Variants in CLTCL1 observed in about 807,000 individuals in gnomAD.
CLTCL1 encodes the protein clathrin heavy chain like 1.
CLTCL1 carries 159 observed loss-of-function variants against 190.0 expected under a neutral mutation model. That is an observed-to-expected ratio of 0.84 (90% confidence interval 0.74 to 0.95). The LOEUF (loss-of-function observed/expected upper bound fraction) is 0.95. CLTCL1 is among the 40% of genes least tolerant of loss of function. The pLI is 0.00. For synonymous variants in CLTCL1, 752 were observed against 769.6 expected (o/e 0.98, Z 0.38); for missense variants, 1,878 against 2,033.4 (o/e 0.92, Z 1.47).
At chr22:19,283,324 AG>A (rs1178077023) in intron 1 of CLTCL1, among the ~76,000 whole-genome samples, 1 of 151,886 alleles carries the variant, frequency 6.6e-6, no homozygotes, top group African/African-American at 2.4e-5. Flanking sequence ...TCTGTCGCCA[AG>A]GCTGGAGTGC....
intron 1 of CLTCL1, among the ~76,000 whole-genome samples, chr22:19,287,494 G>C (rs1156849101): frequency 6.6e-6 from 1 of 152,130 alleles, no homozygotes; most frequent in Non-Finnish European, 1.5e-5. Flanking sequence ...AGAGCACGTG[G>C]GGATCAGTCT....
intron 30 of CLTCL1, 90 bp downstream of exon 30, chr22:19,183,300 G>T: frequency 8.6e-7 from 1 of 1,168,226 alleles, no homozygotes; most frequent in Non-Finnish European, 1.2e-6. Flanking sequence ...CCTCAAAGGG[G>T]CCCACCCTTA....
Position 19,210,536 on chromosome 22 carries a change from C to A in CLTCL1, c.3066-27G>T, listed in dbSNP as rs782726458. 14 of 1,598,226 alleles carry A rather than the reference C, an allele frequency of 8.8e-6. No individual in the cohort carries two copies. In the Admixed American group the frequency reaches 2.4e-4, roughly 27 times the overall value. On this transcript the variant is annotated intron_variant, in intron 19 of 32. Coordinates refer to ENST00000427926, the MANE Select transcript of CLTCL1 (RefSeq NM_007098.4). The stretch of plus-strand genomic sequence containing the variant: ...TGAGGAGAGAGGGTGGTCAGCACGG[C>A]ATCCCAGGAACGAAGGCTGCACAAA...
intron 1 of CLTCL1, among the ~76,000 whole-genome samples, chr22:19,288,088 G>A (rs557692784): frequency 2.6e-5 from 4 of 152,204 alleles, no homozygotes; most frequent in African/African-American, 7.2e-5. Flanking sequence ...TCCCTCCTCT[G>A]CCCAGCATAT....
rs782352241 is a variant in CLTCL1 at position 19,201,476 on chromosome 22, G to T, written c.3618C>A (p.Tyr1206Ter). The T allele has an allele frequency of 2.6e-5, 42 of 1,613,216 alleles. No homozygotes were observed. The highest frequency in any genetic ancestry group is 1.0e-4 in the Admixed American group (6 of 59,972). The change falls in exon 23 of 33, where the codon TAC becomes TAA. Residue 1206 changes from tyrosine (Y) to a stop codon, truncating the protein, a stop_gained. Coordinates refer to ENST00000427926, the MANE Select transcript of CLTCL1 (RefSeq NM_007098.4). LOFTEE classifies it high-confidence loss of function. The part of the protein sequence containing the change: ...AHIQQVGDRC[Y>*]EEGMYEAAKL... Reference sequence around the variant, plus strand: ...TGGCAGCCTCGTACATTCCCTCCTCGTAACAGCGGTCTCCAACCTACGGAT... The same window carrying T: ...TGGCAGCCTCGTACATTCCCTCCTCTTAACAGCGGTCTCCAACCTACGGAT...
intron 3 of CLTCL1, among the ~76,000 whole-genome samples, chr22:19,249,532 A>G (rs1261627376): frequency 1.3e-5 from 2 of 151,868 alleles, no homozygotes; most frequent in Non-Finnish European, 2.9e-5. Flanking sequence ...GTCTCTACTA[A>G]AAACACAAAA....
chr22:19,186,516 C>T (rs940935996), intron 29 of CLTCL1, among the ~76,000 whole-genome samples: 2 of 152,222 alleles, frequency 1.3e-5, no homozygotes, highest in Non-Finnish European at 2.9e-5. Context: ...CCTCCCACTT[C>T]AGCCTCTAAA....
chr22:19,200,797 G>C (rs57240140), intron 23 of CLTCL1, among the ~76,000 whole-genome samples: 102 of 152,302 alleles, frequency 6.7e-4, no homozygotes, highest in Non-Finnish European at 1.2e-3. Context: ...AGCCGAGATC[G>C]TGTCACTGTA....
At chr22:19,208,100 T>C in intron 22 of CLTCL1, 54 bp downstream of exon 22, 1 of 1,608,462 alleles carries the variant, frequency 6.2e-7, no homozygotes, top group Non-Finnish European at 8.5e-7. Context: ...CTGAGGAACA[T>C]CCCTGGACCT....
Position 19,220,229 on chromosome 22 carries a change from C to T in CLTCL1, c.2797-222G>A, listed in dbSNP as rs1325944203. On this transcript the variant is annotated intron_variant, in intron 17 of 32. Transcript: ENST00000427926. ...CCCTTTCCAAGTTTACAACAACTCCCAGGGATGTGCCACATATCTGGCCAG... is the reference window on the plus strand; with the variant it reads ...CCCTTTCCAAGTTTACAACAACTCCTAGGGATGTGCCACATATCTGGCCAG... 2.8e-4 allele frequency among the ~76,000 whole-genome samples: 42 copies of T among 152,144 alleles called. 2 individuals are homozygous for T.
At chr22:19,256,515 C>T (rs1431466713) in intron 2 of CLTCL1, among the ~76,000 whole-genome samples, 1 of 151,916 alleles carries the variant, frequency 6.6e-6, no homozygotes, top group Non-Finnish European at 1.5e-5. Flanking sequence ...TGCCATCACG[C>T]CCACCTAATT....
chr22:19,221,924 AG>A, intron 16 of CLTCL1, 26 bp downstream of exon 16: 6 of 1,612,024 alleles, frequency 3.7e-6, no homozygotes, highest in Non-Finnish European at 5.1e-6. Context: ...CAGGGGTAAG[AG>A]AAAACACCAA....
chr22:19,213,861 C>G (rs987735476), intron 19 of CLTCL1, among the ~76,000 whole-genome samples: 6 of 118,678 alleles, frequency 5.1e-5, no homozygotes, highest in African/African-American at 1.9e-4. Context: ...TGTGGTGATT[C>G]TACAGATCTA....
At chr22:19,221,875 C>A in intron 16 of CLTCL1, 76 bp downstream of exon 16, 1 of 1,526,874 alleles carries the variant, frequency 6.5e-7, no homozygotes. Context: ...AGAGACAGTC[C>A]TGGAGAATTA....
chr22:19,227,013 T>C (rs1345869070), intron 11 of CLTCL1, among the ~76,000 whole-genome samples: 2 of 152,016 alleles, frequency 1.3e-5, no homozygotes, highest in Non-Finnish European at 2.9e-5. Flanking sequence ...GCTGAGATTA[T>C]AGCCGTGAGC....
At chr22:19,236,589 C>G (rs1555962346) in intron 5 of CLTCL1, among the ~76,000 whole-genome samples, 3 of 152,098 alleles carry the variant, frequency 2.0e-5, no homozygotes. Flanking sequence ...TATGATTTTA[C>G]CACTGGAAGA....
At chr22:19,232,142 T>C (rs559432840) in intron 10 of CLTCL1, among the ~76,000 whole-genome samples, 3 of 152,230 alleles carry the variant, frequency 2.0e-5, no homozygotes, top group African/African-American at 4.8e-5. Flanking sequence ...CTCAGGCCAA[T>C]GGTCAGGGAG....
intron 2 of CLTCL1, among the ~76,000 whole-genome samples, chr22:19,269,432 T>C (rs1379500770): frequency 6.6e-6 from 1 of 152,166 alleles, no homozygotes; most frequent in African/African-American, 2.4e-5. Flanking sequence ...ATTTATCATA[T>C]GATCCAGCAA....
chr22:19,286,526 A>G (rs190845047), intron 1 of CLTCL1, among the ~76,000 whole-genome samples: 13 of 152,340 alleles, frequency 8.5e-5, no homozygotes, highest in African/African-American at 3.1e-4. Context: ...AGATAGCTAC[A>G]TAATGGCAAC....
Sources: allele counts gnomAD v4.1 joint callset (sites outside exome capture counted in the v4.1 genomes callset), GRCh38; gene constraint gnomAD v4.1.1; transcripts MANE v1.5; gene names NCBI Gene and HGNC (gene_info 2026-07-23, HGNC 2026-07-21).